Variants in ZNF14 observed in about 807,000 individuals in gnomAD.
ZNF14 encodes gonadotropin inducible transcription repressor-4.
A neutral mutation model predicts 11.3 loss-of-function variants in ZNF14; 9 were observed. The observed-to-expected ratio is 0.80, with a 90% CI of 0.48 to 1.39. The LOEUF is 1.39. ZNF14 is among the 40% of genes most tolerant of loss of function. The pLI, the probability that ZNF14 is intolerant of heterozygous loss-of-function variation, is 0.00. For missense variants in ZNF14, 711 were observed against 763.9 expected, an observed-to-expected ratio of 0.93 and a Z score of 0.82; for synonymous variants, 239 against 245.7, an observed-to-expected ratio of 0.97 and a Z score of 0.25.
chr19:19,731,469 A>G (rs1276123471), intron 1 of ZNF14, among the ~76,000 whole-genome samples: 2 of 151,740 alleles, frequency 1.3e-5, no homozygotes, highest in African/African-American at 2.4e-5. Flanking sequence ...CCAGCTATGC[A>G]GGAGGCTGAA....
Position 19,711,083 on chromosome 19 carries a change from A to AAAAAAAC in ZNF14, c.*262_*268dup, listed in dbSNP as rs889694760. The stretch of plus-strand genomic sequence containing the variant: ...TGAGCCAACAAGCTTGGCCTTTTTT[A>AAAAAAAC]AAAAAACAAAAAACAAAAAACAAAA... On this transcript the variant is annotated 3_prime_UTR_variant, in exon 4 of 4. Coordinates refer to ENST00000344099, the MANE Select transcript of ZNF14 (RefSeq NM_021030.3). 5 of 361,580 alleles carry AAAAAAAC rather than the reference A, an allele frequency of 1.4e-5. No individual in the cohort carries two copies. Among genetic ancestry groups the AAAAAAAC allele is most frequent in the African/African-American group, 4.2e-5 (2 of 47,400 alleles). 22.4% of individuals were successfully genotyped at this position (361,580 alleles called of 1,614,324 possible).
rs1277462080 is a variant in ZNF14, at chr19:19,724,702, T to C, written c.3+8254A>G. Among the ~76,000 whole-genome samples, 6 of 132,938 alleles carry C rather than the reference T, an allele frequency of 4.5e-5. 2 individuals carry two copies. The highest frequency in any genetic ancestry group is 1.7e-4 in the African/African-American group (6 of 35,906). 87.2% of individuals were successfully genotyped at this position (132,938 alleles called of 152,430 possible). A position where few individuals can be genotyped will look rare whatever the true frequency, so the allele number is the denominator to read the frequency against. The stretch of plus-strand genomic sequence containing the variant: ...GGGGTGTTAAAGTCTCCCATTATTA[T>C]TGTGTGGGAGTCTAAGTCTCTTTGT... On this transcript the variant is annotated intron_variant, in intron 1 of 3. Coordinates refer to ENST00000344099, the MANE Select transcript of ZNF14 (RefSeq NM_021030.3).
At chr19:19,714,639 C>G in intron 1 of ZNF14, 152 bp from the exon 2 acceptor site, 1 of 733,560 alleles carries the variant, frequency 1.4e-6, no homozygotes, top group Non-Finnish European at 2.0e-6. Context: ...TCCACACTGA[C>G]TTCCTCATAA....
Position 19,727,870 on chromosome 19 carries a change from T to A in ZNF14, c.3+5086A>T, listed in dbSNP as rs2062410612. Among the ~76,000 whole-genome samples, 2 of 133,708 alleles carry A rather than the reference T, an allele frequency of 1.5e-5. 1 individual carries two copies. The highest frequency in any genetic ancestry group is 5.5e-5 in the African/African-American group (2 of 36,268). 87.7% of individuals were successfully genotyped at this position (133,708 alleles called of 152,430 possible). On this transcript the variant is annotated intron_variant, in intron 1 of 3. Coordinates refer to ENST00000344099, the MANE Select transcript of ZNF14 (RefSeq NM_021030.3). Reference sequence around the variant, plus strand: ...AACCAATGGACAGCACACATAATAATAGAAAAATGCTACCAGAAACAGACA... The same window carrying A: ...AACCAATGGACAGCACACATAATAAAAGAAAAATGCTACCAGAAACAGACA...
In ZNF14 at chr19:19,711,296, T is replaced by G. The variant is rs893537702; in HGVS notation, c.*56A>C. On this transcript the variant is annotated 3_prime_UTR_variant, in exon 4 of 4. Coordinates refer to ENST00000344099, the MANE Select transcript of ZNF14 (RefSeq NM_021030.3). ...CAGCTTCTGTCCAGTATGAACTCTT[T>G]TGTGTATTCAGAAGGAGCTGGAACA... is the stretch of plus-strand genomic sequence containing the variant. 10 of 1,506,654 alleles carry G rather than the reference T, an allele frequency of 6.6e-6. No homozygotes were observed. The South Asian group carries it at 1.1e-4, about 17-fold the overall frequency. The allele number at this position is 1,506,654 out of a possible 1,614,324, so 93.3% of individuals were successfully genotyped here.
Position 19,714,405 on chromosome 19 carries a change from T to C in ZNF14, c.86A>G (p.Tyr29Cys), listed in dbSNP as rs147614244. Reference protein sequence around the residue: ...ALLDSSQKKLYEDVMQETFKN... With the variant: ...ALLDSSQKKLCEDVMQETFKN... ...GAAGGTCTCCTGCATCACATCTTCA[T>C]AGAGCTTTTTCTGTGAAGAATCCAG... is the stretch of plus-strand genomic sequence containing the variant. Residue 29 changes from tyrosine to cysteine, a missense_variant, in exon 2 of 4, where the codon TAT becomes TGT. Tyr to Cys is a radical substitution (Grantham distance 194). Coordinates refer to ENST00000344099, the MANE Select transcript of ZNF14 (RefSeq NM_021030.3). 1.9e-5 allele frequency: 30 copies of C among 1,614,002 alleles called. No homozygotes were observed. Among genetic ancestry groups the C allele is most frequent in the African/African-American group, 1.6e-4 (12 of 74,900 alleles).
In ZNF14 at chr19:19,720,043, G is replaced by A. The variant is rs2062388457; in HGVS notation, c.4-5556C>T. On this transcript the variant is annotated intron_variant, in intron 1 of 3. Coordinates refer to ENST00000344099, the MANE Select transcript of ZNF14 (RefSeq NM_021030.3). The surrounding 1 kb of genome is among the most constrained non-coding windows in gnomAD (Gnocchi z 4.1). ...CACCAAGAAGACAAGGCAATCCTTA[G>A]TGTGTATGTGCATAAAAACAGAGTG... Among the ~76,000 whole-genome samples the A allele has an allele frequency of 6.6e-6, 1 of 152,282 alleles. No homozygotes were observed. Among genetic ancestry groups the A allele is most frequent in the South Asian group, 2.1e-4 (1 of 4,820 alleles).
intron 1 of ZNF14, among the ~76,000 whole-genome samples, chr19:19,721,804 A>G (rs2062393961): frequency 1.3e-5 from 2 of 152,034 alleles, no homozygotes; most frequent in Admixed American, 6.6e-5. Context: ...TCTACTAAAA[A>G]ATACAAAAAT....
chr19:19,728,530 A>AC (rs1041067159), intron 1 of ZNF14, among the ~76,000 whole-genome samples: 3 of 129,772 alleles, frequency 2.3e-5, no homozygotes, highest in East Asian at 4.3e-4. Flanking sequence ...AAAAAAAAAA[A>AC]AAAAAACATA....
intron 1 of ZNF14, among the ~76,000 whole-genome samples, chr19:19,728,452 G>A (rs1366182474): frequency 9.2e-6 from 1 of 109,060 alleles, no homozygotes; most frequent in Admixed American, 1.1e-4. Context: ...GAAGGCAGAG[G>A]TTGCAGTGAG....
chr19:19,714,329 T>G (rs1193693071), intron 2 of ZNF14, 32 bp downstream of exon 2: 1 of 1,612,716 alleles, frequency 6.2e-7, no homozygotes, highest in Admixed American at 1.7e-5. Context: ...TGTTCTATAT[T>G]TAACTGAGGA....
chr19:19,720,341 C>CTT lies in ZNF14; in HGVS notation c.4-5856_4-5855dup, dbSNP rs35810516. On this transcript the variant is annotated intron_variant, in intron 1 of 3. Coordinates refer to ENST00000344099, the MANE Select transcript of ZNF14 (RefSeq NM_021030.3). The surrounding 1 kb of genome is among the most constrained non-coding windows in gnomAD (Gnocchi z 4.1). The stretch of plus-strand genomic sequence containing the variant: ...CCACATTCTGGAACATAAAACATAT[C>CTT]TTTTTTTTTTTTTTTTGAGATGGAG... 1.7e-3 allele frequency among the ~76,000 whole-genome samples: 237 copies of CTT among 142,182 alleles called. 4 individuals carry two copies. In the East Asian group the frequency reaches 0.033, roughly 20 times the overall value. The allele number at this position is 142,182 out of a possible 152,430, so 93.3% of individuals were successfully genotyped here. A position where few individuals can be genotyped will look rare whatever the true frequency, so the allele number is the denominator to read the frequency against.
At chr19:19,724,331 C>T (rs1013049897) in intron 1 of ZNF14, among the ~76,000 whole-genome samples, 3 of 134,040 alleles carry the variant, frequency 2.2e-5, no homozygotes, top group South Asian at 2.4e-4. Context: ...GCCTTCATTT[C>T]GTTATGCACC....
At chr19:19,729,062 C>T (rs1312026738) in intron 1 of ZNF14, among the ~76,000 whole-genome samples, 5 of 151,768 alleles carry the variant, frequency 3.3e-5, no homozygotes, top group Non-Finnish European at 5.9e-5. Flanking sequence ...CCGCAACCTC[C>T]GCCTCCCAGG....
chr19:19,718,818 T>G (rs1231769669), intron 1 of ZNF14, among the ~76,000 whole-genome samples: 1 of 152,220 alleles, frequency 6.6e-6, no homozygotes, highest in East Asian at 1.9e-4. Flanking sequence ...CAGGCTGGAG[T>G]GCAGTGGGAC....
At chr19:19,728,741 C>A (rs1330766343) in intron 1 of ZNF14, among the ~76,000 whole-genome samples, 1 of 117,964 alleles carries the variant, frequency 8.5e-6, no homozygotes, top group South Asian at 2.8e-4. Flanking sequence ...AACTTTCAGA[C>A]CTCCACGGGA....
chr19:19,732,443 A>C (rs755704896), intron 1 of ZNF14, among the ~76,000 whole-genome samples: 1 of 152,182 alleles, frequency 6.6e-6, no homozygotes. Context: ...AAGGTCAAAA[A>C]CACCCCCAGA....
At chr19:19,727,184 A>G in intron 1 of ZNF14, among the ~76,000 whole-genome samples, 1 of 133,802 alleles carries the variant, frequency 7.5e-6, no homozygotes, top group East Asian at 2.1e-4. Context: ...AGCTGTTCCT[A>G]TTTGGCCATC....
At chr19:19,714,765 T>C (rs900418576) in intron 1 of ZNF14, among the ~76,000 whole-genome samples, 1 of 147,512 alleles carries the variant, frequency 6.8e-6, no homozygotes, top group Non-Finnish European at 1.5e-5. Flanking sequence ...AGGCTGGAGT[T>C]CAGTGGTGCG....
Sources: allele counts gnomAD v4.1 joint callset (sites outside exome capture counted in the v4.1 genomes callset), GRCh38; gene constraint gnomAD v4.1.1; non-coding constraint Gnocchi (gnomAD v3.1); transcripts MANE v1.5; gene names NCBI Gene and HGNC (gene_info 2026-07-23, HGNC 2026-07-21).